The following CDH6 variants were observed in gnomAD, a reference collection of about 807,000 sequenced individuals.
The protein encoded by CDH6 is cadherin-6.
In CDH6, 31 loss-of-function variants were observed where a neutral mutation model predicts 78.0. The ratio of observed to expected loss-of-function variants is 0.40; its 90% CI spans 0.30 to 0.54. The LOEUF is 0.54. CDH6 is among the 20% of genes least tolerant of loss of function. CDH6 has a pLI of 0.56. For missense variants in CDH6, 724 were observed against 975.9 expected (o/e 0.74, Z 3.44); for synonymous variants, 376 against 368.8 (o/e 1.02, Z -0.23).
At chr5:31,269,414 G>A (rs1413792051) in intron 2 of CDH6, among the ~76,000 whole-genome samples, 1 of 152,102 alleles carries the variant, frequency 6.6e-6, no homozygotes, top group African/African-American at 2.4e-5. Flanking sequence ...AAACAGATCC[G>A]AGAATGTGTC....
chr5:31,247,734 G>T (rs934645291), intron 1 of CDH6, among the ~76,000 whole-genome samples: 1 of 152,216 alleles, frequency 6.6e-6, no homozygotes, highest in African/African-American at 2.4e-5. Flanking sequence ...TTTCCCATTA[G>T]TGGTAGCATC....
chr5:31,312,945 G>GCGCACACACA (rs1554010887), intron 7 of CDH6, among the ~76,000 whole-genome samples: 4 of 149,202 alleles, frequency 2.7e-5, no homozygotes, highest in African/African-American at 7.4e-5. Context: ...ATGCATACAA[G>GCGCACACACA]CACACACACA....
chr5:31,318,487 C>T (rs2909571), intron 11 of CDH6: 117,547 of 233,724 alleles, frequency 0.5, 30,262 homozygotes, highest in East Asian at 0.55. Context: ...AAGGTCTATT[C>T]CTCACACTCA....
chr5:31,328,504 A>G lies in CDH6; in HGVS notation c.*5196A>G, dbSNP rs776652296. On this transcript the variant is annotated 3_prime_UTR_variant, in exon 12 of 12. Coordinates refer to ENST00000265071, the MANE Select transcript of CDH6 (RefSeq NM_004932.4). ...AGAAACGTAGGAACGCTTCAAACCC[A>G]CTGTAATGTTTGGTTTGAGATTATT... 3 of 207,230 alleles carry G rather than the reference A, an allele frequency of 1.4e-5. No homozygotes were observed. The highest frequency in any genetic ancestry group is 3.0e-5 in the Non-Finnish European group (3 of 101,654). The allele number at this position is 207,230 out of a possible 1,614,324, so 12.8% of individuals were successfully genotyped here. A position where few individuals can be genotyped will look rare whatever the true frequency, so the allele number is the denominator to read the frequency against.
chr5:31,325,912 T>C lies in CDH6; in HGVS notation c.*2604T>C, dbSNP rs1016038938. ...TGACGTTTTCCTATAATTCAGACTC[T>C]TTGACATCGTGGAACCAATAAGAGT... On this transcript the variant is annotated 3_prime_UTR_variant, in exon 12 of 12. Coordinates refer to ENST00000265071, the MANE Select transcript of CDH6 (RefSeq NM_004932.4). 8.6e-6 allele frequency: 2 copies of C among 232,344 alleles called. No homozygotes were observed. Among genetic ancestry groups the C allele is most frequent in the Admixed American group, 5.6e-5 (1 of 17,768 alleles). 14.4% of individuals were successfully genotyped at this position (232,344 alleles called of 1,614,324 possible).
chr5:31,296,117 T>C (rs531443039), intron 3 of CDH6, among the ~76,000 whole-genome samples: 1 of 152,162 alleles, frequency 6.6e-6, no homozygotes, highest in East Asian at 1.9e-4. Flanking sequence ...ATAAGTGAAA[T>C]TGGCTATATA....
At chr5:31,234,486 A>C (rs1193696058) in intron 1 of CDH6, among the ~76,000 whole-genome samples, 5 of 152,192 alleles carry the variant, frequency 3.3e-5, no homozygotes, top group Non-Finnish European at 7.3e-5. Context: ...GAGTGTTACT[A>C]ATAACTAGAT....
At position 31,292,752 on chromosome 5, in the gene CDH6, T is replaced by C. The variant is rs570720648; in HGVS notation, c.229-1210T>C. On this transcript the variant is annotated intron_variant, in intron 2 of 11. Coordinates refer to ENST00000265071, the MANE Select transcript of CDH6 (RefSeq NM_004932.4). ...TCTGAAAACCTGCAGACTGAATATA[T>C]ATATATATATGTGCGTGTGTGTATG... 8.1e-5 allele frequency among the ~76,000 whole-genome samples: 5 copies of C among 61,688 alleles called. No individual in the cohort carries two copies. In the South Asian group the frequency reaches 3.3e-3, roughly 41 times the overall value. 40.5% of individuals were successfully genotyped at this position (61,688 alleles called of 152,430 possible).
Position 31,326,952 on chromosome 5 carries a change from C to T in CDH6, c.*3644C>T, listed in dbSNP as rs1738638652. The stretch of plus-strand genomic sequence containing the variant: ...CTCGTGGTCCGCCCGCCTCGGCCTC[C>T]CAAAGTGCTGGGATTACAGGCGTGA... On this transcript the variant is annotated 3_prime_UTR_variant, in exon 12 of 12. Transcript: ENST00000265071. 1 of 164,052 alleles carries T rather than the reference C, an allele frequency of 6.1e-6. No homozygotes were observed. The highest frequency in any genetic ancestry group is 1.3e-5 in the Non-Finnish European group (1 of 75,014). 10.2% of individuals were successfully genotyped at this position (164,052 alleles called of 1,614,324 possible). A position where few individuals can be genotyped will look rare whatever the true frequency, so the allele number is the denominator to read the frequency against.
At chr5:31,214,154 A>C (rs1740797584) in intron 1 of CDH6, among the ~76,000 whole-genome samples, 1 of 151,764 alleles carries the variant, frequency 6.6e-6, no homozygotes, top group African/African-American at 2.4e-5. Flanking sequence ...AAAAAAAAAA[A>C]AAAACAGGCA....
chr5:31,257,452 C>T (rs1192652311), intron 1 of CDH6, among the ~76,000 whole-genome samples: 2 of 152,212 alleles, frequency 1.3e-5, no homozygotes, highest in African/African-American at 4.8e-5. Context: ...CGTGAGCCAC[C>T]GCGCCTGGCC....
intron 6 of CDH6, among the ~76,000 whole-genome samples, chr5:31,302,780 GAGAGA>G (rs1404326354): frequency 2.6e-3 from 151 of 57,598 alleles, no homozygotes; most frequent in Non-Finnish European, 4.0e-3. Context: ...AAAGAAGAAA[GAGAGA>G]GAGAGAGAGA....
intron 1 of CDH6, among the ~76,000 whole-genome samples, chr5:31,235,532 T>G (rs996204423): frequency 2.6e-5 from 4 of 152,196 alleles, no homozygotes; most frequent in African/African-American, 9.6e-5. Flanking sequence ...AACTAAGTAC[T>G]CATACAATTT....
intron 6 of CDH6, among the ~76,000 whole-genome samples, chr5:31,302,784 GAGAGAGA>G (rs1561065841): frequency 1.8e-5 from 1 of 54,380 alleles, no homozygotes; most frequent in East Asian, 4.8e-4. Flanking sequence ...AAGAAAGAGA[GAGAGAGA>G]GAGAGAGAGA....
At chr5:31,210,095 T>TGTGC (rs1221761198) in intron 1 of CDH6, among the ~76,000 whole-genome samples, 3 of 151,824 alleles carry the variant, frequency 2.0e-5, no homozygotes, top group Non-Finnish European at 4.4e-5. Context: ...TGTGTGTGTG[T>TGTGC]GTGTGTGTGT....
intron 11 of CDH6, among the ~76,000 whole-genome samples, chr5:31,322,337 TAAA>T (rs34633657): frequency 7.0e-6 from 1 of 143,644 alleles, no homozygotes; most frequent in African/African-American, 2.5e-5. Context: ...TTTTCTCAGG[TAAA>T]AAAAAAAAAG....
chr5:31,282,484 G>A (rs1742889564), intron 2 of CDH6, among the ~76,000 whole-genome samples: 1 of 151,670 alleles, frequency 6.6e-6, no homozygotes, highest in South Asian at 2.1e-4. Context: ...TCTTTCCCTT[G>A]TAAGGACCCT....
chr5:31,268,302 G>A (rs890793348), intron 2 of CDH6, among the ~76,000 whole-genome samples: 1 of 152,180 alleles, frequency 6.6e-6, no homozygotes, highest in African/African-American at 2.4e-5. Flanking sequence ...TGATTTAACT[G>A]TGGCAAAATT....
At chr5:31,240,020 G>T (rs938504908) in intron 1 of CDH6, among the ~76,000 whole-genome samples, 3 of 152,112 alleles carry the variant, frequency 2.0e-5, no homozygotes, top group Non-Finnish European at 4.4e-5. Flanking sequence ...AAGGGGAAAT[G>T]AATTGGACCA....
Sources: allele counts gnomAD v4.1 joint callset (sites outside exome capture counted in the v4.1 genomes callset), GRCh38; gene constraint gnomAD v4.1.1; transcripts MANE v1.5; gene names NCBI Gene and HGNC (gene_info 2026-07-23, HGNC 2026-07-21).